LRRC46: variants seen among roughly 807,000 people sequenced by gnomAD.
The protein encoded by LRRC46 is leucine-rich repeat-containing protein 46.
A neutral mutation model predicts 28.0 loss-of-function variants in LRRC46; 20 were observed. The observed-to-expected ratio is 0.71, with a 90% CI of 0.50 to 1.04. The LOEUF is 1.04. LRRC46 is among the 50% of genes least tolerant of loss of function. The pLI, the probability that LRRC46 is intolerant of heterozygous loss-of-function variation, is 0.00. For synonymous variants in LRRC46, 156 were observed against 158.8 expected (o/e 0.98, Z 0.13); for missense variants, 315 against 390.1 (o/e 0.81, Z 1.62).
At chr17:47,833,928 T>G (rs1301514047) in intron 2 of LRRC46, 30 of 985,554 alleles carry the variant, frequency 3.0e-5, no homozygotes, top group East Asian at 2.3e-4. Context: ...CCTGCTTCTT[T>G]ATTAGTGGTG....
At position 47,836,513 on chromosome 17, in the gene LRRC46, C is replaced by T. The variant is rs1312786028; in HGVS notation, c.595+38C>T. 3 of 1,603,076 alleles carry T rather than the reference C, an allele frequency of 1.9e-6. No individual in the cohort carries two copies. Among genetic ancestry groups the T allele is most frequent in the Non-Finnish European group, 2.6e-6 (3 of 1,173,660 alleles). ...TCCAAGGTTTTCAGCCTCCCCAGAG[C>T]CCACCTCTGCCCTGTGGGACATGAG... On this transcript the variant is annotated intron_variant, in intron 7 of 7. Coordinates refer to ENST00000269025, the MANE Select transcript of LRRC46 (RefSeq NM_033413.4). The surrounding 1 kb of genome is among the most constrained non-coding windows in gnomAD (Gnocchi z 5.8).
At chr17:47,834,783 T>C (rs1025993252) in intron 3 of LRRC46, 4 of 359,490 alleles carry the variant, frequency 1.1e-5, no homozygotes, top group African/African-American at 8.4e-5. Context: ...AGAAGTTCTT[T>C]TTGGCATCTA....
intron 2 of LRRC46, among the ~76,000 whole-genome samples, chr17:47,833,610 G>A (rs1467093763): frequency 6.6e-6 from 1 of 151,672 alleles, no homozygotes; most frequent in African/African-American, 2.4e-5. Context: ...CACCACACCC[G>A]GCTAATTTTT....
At chr17:47,834,609 AG>A in intron 3 of LRRC46, 76 bp downstream of exon 3, 1 of 932,876 alleles carries the variant, frequency 1.1e-6, no homozygotes, top group Non-Finnish European at 1.7e-6. Context: ...GGAGCCAACC[AG>A]GTCATCCTGC....
chr17:47,835,087 C>T, intron 3 of LRRC46: 1 of 453,128 alleles, frequency 2.2e-6, no homozygotes, highest in South Asian at 3.0e-5. Flanking sequence ...TTTTCTGATT[C>T]CCAGGTCACT....
In LRRC46 at chr17:47,836,586, G is replaced by C. The variant is rs2033699979; in HGVS notation, c.595+111G>C. Reference sequence around the variant, plus strand: ...TCCGGGGAGGGGAGCCCCAAGTTCAGATCAACATCTGGGCCAGAGCCAGGT... The same window carrying C: ...TCCGGGGAGGGGAGCCCCAAGTTCACATCAACATCTGGGCCAGAGCCAGGT... On this transcript the variant is annotated intron_variant, in intron 7 of 7. Coordinates refer to ENST00000269025, the MANE Select transcript of LRRC46 (RefSeq NM_033413.4). The surrounding 1 kb of genome is among the most constrained non-coding windows in gnomAD (Gnocchi z 5.8). 1.3e-6 allele frequency: 2 copies of C among 1,515,356 alleles called. No individual in the cohort carries two copies. Among genetic ancestry groups the C allele is most frequent in the Non-Finnish European group, 1.8e-6 (2 of 1,126,304 alleles). 93.9% of individuals were successfully genotyped at this position (1,515,356 alleles called of 1,614,324 possible).
chr17:47,833,518 G>A (rs1474624917), intron 2 of LRRC46, among the ~76,000 whole-genome samples: 1 of 147,736 alleles, frequency 6.8e-6, no homozygotes, highest in African/African-American at 2.5e-5. Context: ...GTGTGATCTC[G>A]GCTCACTGCA....
chr17:47,835,502 C>A, intron 4 of LRRC46, 103 bp downstream of exon 4: 1 of 1,451,278 alleles, frequency 6.9e-7, no homozygotes, highest in Non-Finnish European at 9.6e-7. Flanking sequence ...CCTTGTCAGT[C>A]AAGGACCAGC....
At chr17:47,835,496 G>A in intron 4 of LRRC46, 97 bp downstream of exon 4, 1 of 1,495,264 alleles carries the variant, frequency 6.7e-7, no homozygotes, top group African/African-American at 1.4e-5. Flanking sequence ...CTGGGTCCTT[G>A]TCAGTCAAGG....
At position 47,831,948 on chromosome 17, in the gene LRRC46, G is replaced by C; in HGVS notation, c.-42G>C. ...AGGGGCCGCCAAGACCTCTCTTTTC[G>C]TTCCTCTCCCGCCTCAGACCAGCAG... On this transcript the variant is annotated 5_prime_UTR_variant, in exon 1 of 8. Transcript: ENST00000269025. The C allele has an allele frequency of 6.2e-7, 1 of 1,612,270 alleles. No individual in the cohort carries two copies. The highest frequency in any genetic ancestry group is 8.5e-7 in the Non-Finnish European group (1 of 1,179,940).
In LRRC46 at chr17:47,833,327, A is replaced by ATTCT. The variant is rs368178077; in HGVS notation, c.117-1080_117-1077dup. The stretch of plus-strand genomic sequence containing the variant: ...CCACTTGTCAGGGATGTTTGGCCTT[A>ATTCT]TTCTTTCTTTCTTTCTTTCTTCTTC... On this transcript the variant is annotated intron_variant, in intron 2 of 7. Coordinates refer to ENST00000269025, the MANE Select transcript of LRRC46 (RefSeq NM_033413.4). Among the ~76,000 whole-genome samples, 46 of 149,846 alleles carry ATTCT rather than the reference A, an allele frequency of 3.1e-4. No individual in the cohort carries two copies. In the South Asian group the frequency reaches 4.7e-3, roughly 15 times the overall value.
chr17:47,835,517 C>T, intron 4 of LRRC46, 118 bp downstream of exon 4: 1 of 1,405,568 alleles, frequency 7.1e-7, no homozygotes, highest in Non-Finnish European at 1.0e-6. Context: ...ACCAGCAAGC[C>T]TAGATCTACT....
At chr17:47,832,044 C>A (rs2033640532) in intron 1 of LRRC46, 45 bp downstream of exon 1, 1 of 1,613,766 alleles carries the variant, frequency 6.2e-7, no homozygotes, top group Non-Finnish European at 8.5e-7. Flanking sequence ...TGGAAAACAG[C>A]GGGGTAAGGC....
chr17:47,833,871 C>G, intron 2 of LRRC46: 2 of 960,062 alleles, frequency 2.1e-6, no homozygotes, highest in Non-Finnish European at 2.5e-6. Context: ...CTGCCTCGGC[C>G]TCCCAAAGTG....
rs766991675 is a variant in LRRC46 at position 47,835,336 on chromosome 17, T to C, written c.226-17T>C. 1 of 1,614,170 alleles carries C rather than the reference T, an allele frequency of 6.2e-7. No individual in the cohort carries two copies. The highest frequency in any genetic ancestry group is 8.5e-7 in the Non-Finnish European group (1 of 1,180,002). On this transcript the variant is annotated splice_polypyrimidine_tract_variant and intron_variant, in intron 3 of 7. Transcript: ENST00000269025. ...CTGATCTCAGCTTGGTTTCCCCACT[T>C]CGGTTTCTTCTTGCAGAATAAGATC...
chr17:47,832,369 C>T (rs1447159806), intron 2 of LRRC46, among the ~76,000 whole-genome samples, 164 bp downstream of exon 2: 2 of 152,124 alleles, frequency 1.3e-5, no homozygotes, highest in Non-Finnish European at 2.9e-5. Flanking sequence ...AAAATAATTC[C>T]ATTTCTTTTT....
intron 3 of LRRC46, 139 bp downstream of exon 3, chr17:47,834,672 G>A (rs1295924193): frequency 1.0e-5 from 6 of 596,564 alleles, no homozygotes; most frequent in South Asian, 2.1e-5. Flanking sequence ...ATTCCCAGAC[G>A]AATGACATAG....
Position 47,836,146 on chromosome 17 carries a change from C to T in LRRC46, c.452+44C>T, listed in dbSNP as rs766449771. ...GAAGAAAGGTCATGGCTGAGCTCTA[C>T]CTGCTAACTCAGCCCAGACCCCTCT... is the stretch of plus-strand genomic sequence containing the variant. On this transcript the variant is annotated intron_variant, in intron 6 of 7. Coordinates refer to ENST00000269025, the MANE Select transcript of LRRC46 (RefSeq NM_033413.4). This position sits in a 1 kb window ranked among gnomAD's most constrained non-coding sequence, Gnocchi z 5.8. 1.9e-6 allele frequency: 3 copies of T among 1,602,808 alleles called. No homozygotes were observed. Among genetic ancestry groups the T allele is most frequent in the Non-Finnish European group, 2.6e-6 (3 of 1,169,802 alleles).
intron 2 of LRRC46, chr17:47,833,832 C>A: frequency 1.7e-6 from 1 of 585,154 alleles, no homozygotes; most frequent in Non-Finnish European, 2.2e-6. Context: ...CACACTGCAG[C>A]CTCGACCTCC....
Sources: allele counts gnomAD v4.1 joint callset (sites outside exome capture counted in the v4.1 genomes callset), GRCh38; gene constraint gnomAD v4.1.1; non-coding constraint Gnocchi (gnomAD v3.1); transcripts MANE v1.5; gene names NCBI Gene and HGNC (gene_info 2026-07-23, HGNC 2026-07-21).